IDO1: variants seen among roughly 807,000 people sequenced by gnomAD.
The protein encoded by IDO1 is indolamine 2,3 dioxygenase.
IDO1 carries 35 observed loss-of-function variants against 38.8 expected under a neutral mutation model. The observed-to-expected ratio is 0.90, with a 90% CI of 0.69 to 1.20. IDO1 has a LOEUF of 1.20. IDO1 is among the 50% of genes most tolerant of loss of function. The pLI, the probability that IDO1 is intolerant of heterozygous loss-of-function variation, is 0.00. For synonymous variants in IDO1, 171 were observed against 170.0 expected, an observed-to-expected ratio of 1.01 and a Z score of -0.05; for missense variants, 509 against 485.1, an observed-to-expected ratio of 1.05 and a Z score of -0.46.
At chr8:39,916,169 AAATAAT>A (rs752060135) in intron 1 of IDO1, among the ~76,000 whole-genome samples, 1 of 150,196 alleles carries the variant, frequency 6.7e-6, no homozygotes, top group Non-Finnish European at 1.5e-5. Flanking sequence ...CCATCTCAGG[AAATAAT>A]AATAATAATA....
chr8:39,917,510 A>T (rs924852950), intron 1 of IDO1, among the ~76,000 whole-genome samples: 3 of 152,218 alleles, frequency 2.0e-5, no homozygotes, highest in Non-Finnish European at 4.4e-5. Flanking sequence ...AAGAAAAGAA[A>T]AGAAAAACCA....
chr8:39,918,690 G>A, intron 3 of IDO1, 125 bp from the exon 4 acceptor site: 2 of 584,206 alleles, frequency 3.4e-6, no homozygotes, highest in Non-Finnish European at 3.0e-6. Context: ...AGGTTGCAGT[G>A]AGCCGAGATC....
rs761314433 is a variant in IDO1, at chr8:39,920,135, T to A, written c.437+21T>A. The A allele has an allele frequency of 2.5e-6, 4 of 1,592,226 alleles. No homozygotes were observed. In the Admixed American group the frequency reaches 6.9e-5, roughly 27 times the overall value. ...TATGAGTAAGTATCTGATTCTTGTT[T>A]GATTCTAAGAATTATTTGTTACTTA... On this transcript the variant is annotated intron_variant, in intron 5 of 9. Coordinates refer to ENST00000518237, the MANE Select transcript of IDO1 (RefSeq NM_002164.6).
intron 5 of IDO1, among the ~76,000 whole-genome samples, chr8:39,921,905 C>T (rs1411781029): frequency 3.3e-5 from 5 of 152,182 alleles, no homozygotes; most frequent in Admixed American, 6.5e-5. Flanking sequence ...TAAAACTCTA[C>T]CTCGCAGATA....
chr8:39,923,812 C>A (rs565137054), intron 7 of IDO1: 68 of 318,884 alleles, frequency 2.1e-4, no homozygotes, highest in African/African-American at 1.3e-3. Context: ...ACTTCAGATT[C>A]CACAGGCGGT....
At chr8:39,916,572 T>G (rs931677517) in intron 1 of IDO1, among the ~76,000 whole-genome samples, 1 of 152,196 alleles carries the variant, frequency 6.6e-6, no homozygotes, top group African/African-American at 2.4e-5. Flanking sequence ...TTGGTTACTT[T>G]TATTTCTTCA....
rs1807409765 is a variant in IDO1 at position 39,928,738 on chromosome 8, A to AG, written c.*553_*554insG. On this transcript the variant is annotated 3_prime_UTR_variant, in exon 10 of 10. Transcript: ENST00000518237. ...AAAGAGCGGGACTCCGTCTCAAAAA[A>AG]AAAAAAAAAAAGATATATTCTGTCA... 6.6e-6 allele frequency among the ~76,000 whole-genome samples: 1 copy of AG among 151,986 alleles called. No individual in the cohort carries two copies. Among genetic ancestry groups the AG allele is most frequent in the South Asian group, 2.1e-4 (1 of 4,830 alleles).
Position 39,923,484 on chromosome 8 carries a change from T to C in IDO1, c.553T>C (p.Phe185Leu). 6.3e-7 allele frequency: 1 copy of C among 1,598,346 alleles called. No individual in the cohort carries two copies. The highest frequency in any genetic ancestry group is 8.6e-7 in the Non-Finnish European group (1 of 1,165,808). ...TTTGTTTTAGGTAATTCCTACTGTA[T>C]TCAAGGCAATGCAAATGCAAGAACG... is the stretch of plus-strand genomic sequence containing the variant. ...ASAIKVIPTVFKAMQMQERDT... is the reference protein window; with the variant it reads ...ASAIKVIPTVLKAMQMQERDT... Residue 185 changes from phenylalanine (F) to leucine (L), a missense_variant, in exon 7 of 10, where the codon TTC (phenylalanine) becomes CTC (leucine). Physicochemically the swap from Phe to Leu is conservative, Grantham distance 22. Transcript: ENST00000518237.
chr8:39,918,744 C>T (rs1467556052), intron 3 of IDO1, 71 bp from the exon 4 acceptor site: 4 of 589,172 alleles, frequency 6.8e-6, no homozygotes, highest in African/African-American at 8.5e-5. Context: ...AAGACTCCAT[C>T]TCAAAAAAAA....
chr8:39,918,432 C>T (rs1002647880), intron 3 of IDO1: 11 of 540,120 alleles, frequency 2.0e-5, no homozygotes, highest in Non-Finnish European at 3.6e-5. Flanking sequence ...TATCTGGCAA[C>T]CCTAATTACA....
intron 9 of IDO1, among the ~76,000 whole-genome samples, chr8:39,927,524 C>A (rs759933960): frequency 9.3e-4 from 138 of 148,996 alleles, no homozygotes; most frequent in African/African-American, 3.2e-3. Flanking sequence ...CGTGCCACTG[C>A]ACTCCAGCCT....
At chr8:39,922,679 T>C in intron 6 of IDO1, 28 bp downstream of exon 6, 1 of 1,447,462 alleles carries the variant, frequency 6.9e-7, no homozygotes, top group Non-Finnish European at 9.7e-7. Flanking sequence ...TCAAAATTTA[T>C]ATGTCAATTT....
chr8:39,924,625 G>C, intron 7 of IDO1, 96 bp from the exon 8 acceptor site: 1 of 824,768 alleles, frequency 1.2e-6, no homozygotes, highest in Non-Finnish European at 2.0e-6. Flanking sequence ...TTTTCCTGCA[G>C]CCTGTGCCAA....
In IDO1 at chr8:39,927,922, C is replaced by G. The variant is rs768938457; in HGVS notation, c.949C>G (p.Arg317Gly). Reference sequence around the variant, plus strand: ...CTCATTAGAGTCAAATCCCTCAGTCCGTGAGTTTGTCCTTTCAAAAGGTGA... The same window carrying G: ...CTCATTAGAGTCAAATCCCTCAGTCGGTGAGTTTGTCCTTTCAAAAGGTGA... ...LCSLESNPSV[R>G]EFVLSKGDAG... The change falls in exon 10 of 10, where the codon CGT (arginine) becomes GGT (glycine). Residue 317 changes from arginine to glycine, a missense_variant. Physicochemically the swap from Arg to Gly is moderately radical, Grantham distance 125. Coordinates refer to ENST00000518237, the MANE Select transcript of IDO1 (RefSeq NM_002164.6). 3.1e-6 allele frequency: 5 copies of G among 1,607,274 alleles called. No homozygotes were observed. The highest frequency in any genetic ancestry group is 1.3e-5 in the African/African-American group (1 of 74,792).
chr8:39,918,133 C>T lies in IDO1; in HGVS notation c.229C>T (p.Arg77Cys), dbSNP rs200980431. 2.5e-5 allele frequency: 40 copies of T among 1,613,758 alleles called. No homozygotes were observed. The highest frequency in any genetic ancestry group is 3.3e-5 in the Admixed American group (2 of 59,998). The change falls in exon 3 of 10, where the codon CGC becomes TGC. Residue 77 changes from arginine to cysteine, a missense_variant. Transcript: ENST00000518237. ...IDHLTDHKSQ[R>C]LARLVLGCIT... ...TCATCTCACAGACCACAAGTCACAGCGCCTTGCACGTCTAGTTCTGGGATG... is the reference window on the plus strand; with the variant it reads ...TCATCTCACAGACCACAAGTCACAGTGCCTTGCACGTCTAGTTCTGGGATG...
chr8:39,925,409 T>C, intron 9 of IDO1, 38 bp downstream of exon 9: 4 of 1,569,848 alleles, frequency 2.5e-6, no homozygotes, highest in Non-Finnish European at 3.5e-6. Flanking sequence ...ATCTCTTATG[T>C]GAATACAATA....
intron 5 of IDO1, among the ~76,000 whole-genome samples, chr8:39,921,206 A>G (rs1807267169): frequency 6.6e-6 from 1 of 152,036 alleles, no homozygotes. Context: ...TTTTTTTTTA[A>G]AGATCGCTGG....
chr8:39,925,913 TGCAGTC>T (rs1807352051), intron 9 of IDO1, among the ~76,000 whole-genome samples: 1 of 151,100 alleles, frequency 6.6e-6, no homozygotes, highest in Non-Finnish European at 1.5e-5. Context: ...AAAAGCCAGG[TGCAGTC>T]GCTCACGCCT....
chr8:39,915,316 A>T (rs968347734), intron 1 of IDO1, among the ~76,000 whole-genome samples: 2 of 152,224 alleles, frequency 1.3e-5, no homozygotes, highest in Non-Finnish European at 2.9e-5. Context: ...GAAGATTTCT[A>T]TGAACATGTT....
Sources: gnomAD v4.1 joint callset for allele counts (sites outside exome capture counted in the v4.1 genomes callset) on GRCh38, gnomAD v4.1.1 for gene constraint, MANE v1.5 for transcripts, NCBI Gene and HGNC (gene_info 2026-07-23, HGNC 2026-07-21) for gene names.